The following HAS2 variants were observed in gnomAD, a reference collection of about 807,000 sequenced individuals.
HAS2 encodes the protein hyaluronan synthase 2.
HAS2 carries 16 observed loss-of-function variants against 51.6 expected under a neutral mutation model. The ratio of observed to expected loss-of-function variants is 0.31; its 90% CI spans 0.21 to 0.47. HAS2 has a LOEUF of 0.47. Ranked by LOEUF, HAS2 falls within the 20% of genes least tolerant of loss-of-function variation. The pLI, the probability that HAS2 is intolerant of heterozygous loss-of-function variation, is 1.00. For synonymous variants in HAS2, 228 were observed against 235.5 expected (o/e 0.97, Z 0.29); for missense variants, 361 against 662.6 (o/e 0.54, Z 5.00).
chr8:121,632,478 A>G (rs924618740), intron 1 of HAS2, among the ~76,000 whole-genome samples: 16 of 152,246 alleles, frequency 1.1e-4, no homozygotes, highest in African/African-American at 3.9e-4. Context: ...TAAAATTTTA[A>G]TTTTTCCCCC....
chr8:121,629,486 G>T (rs1006886978), intron 1 of HAS2, 146 bp from the exon 2 acceptor site: 2 of 674,382 alleles, frequency 3.0e-6, no homozygotes, highest in African/African-American at 3.6e-5. Context: ...GTGACTTTCT[G>T]CACTTCAGTT....
chr8:121,617,045 T>C, intron 3 of HAS2, 60 bp downstream of exon 3: 1 of 923,458 alleles, frequency 1.1e-6, no homozygotes, highest in South Asian at 1.4e-5. Context: ...AGTCAATGAG[T>C]AAAAGTGCTC....
rs369469270 is a variant in HAS2, at chr8:121,625,646, C to A, written c.627+3068G>T. 1.1e-4 allele frequency among the ~76,000 whole-genome samples: 17 copies of A among 150,222 alleles called. No homozygotes were observed. In the East Asian group the frequency reaches 2.7e-3, roughly 24 times the overall value. On this transcript the variant is annotated intron_variant, in intron 2 of 3. Coordinates refer to ENST00000303924, the MANE Select transcript of HAS2 (RefSeq NM_005328.3). ...ACCTCAGCCTTCCGAGTAGCTGGGA[C>A]CAGAGACATGCACCACCAAGTCCAG...
rs922582727 is a variant in HAS2 at position 121,641,344 on chromosome 8, C to T, written c.-492G>A. The T allele has an allele frequency of 1.3e-5, 2 of 151,064 alleles. No individual in the cohort carries two copies. Among genetic ancestry groups the T allele is most frequent in the Admixed American group, 1.3e-4 (2 of 15,138 alleles). 9.4% of individuals were successfully genotyped at this position (151,064 alleles called of 1,614,324 possible). A position where few individuals can be genotyped will look rare whatever the true frequency, so the allele number is the denominator to read the frequency against. On this transcript the variant is annotated 5_prime_UTR_variant, in exon 1 of 4. Transcript: ENST00000303924. ...TGTTTCAAGTCTCTGGTTCAATGGGCTGCTCGAAGCCAGGACTGGGTAATT... is the reference window on the plus strand; with the variant it reads ...TGTTTCAAGTCTCTGGTTCAATGGGTTGCTCGAAGCCAGGACTGGGTAATT...
intron 3 of HAS2, among the ~76,000 whole-genome samples, chr8:121,615,299 T>C (rs868015334): frequency 1.2e-4 from 18 of 152,162 alleles, no homozygotes; most frequent in African/African-American, 4.3e-4. Flanking sequence ...CTTTCTGCTA[T>C]TCTTATTCTG....
Position 121,622,963 on chromosome 8 carries a change from T to A in HAS2, c.627+5751A>T, listed in dbSNP as rs369830864. Among the ~76,000 whole-genome samples the A allele has an allele frequency of 2.6e-4, 39 of 148,802 alleles. No homozygotes were observed. The East Asian group carries it at 5.9e-3, about 22-fold the overall frequency. Reference sequence around the variant, plus strand: ...AAAACCATTCCAGAAAAAAAAAAAATAGTCCTCAATGAAAACATCATCTTT... The same window carrying A: ...AAAACCATTCCAGAAAAAAAAAAAAAAGTCCTCAATGAAAACATCATCTTT... On this transcript the variant is annotated intron_variant, in intron 2 of 3. Coordinates refer to ENST00000303924, the MANE Select transcript of HAS2 (RefSeq NM_005328.3).
chr8:121,615,925 C>A (rs2130431909), intron 3 of HAS2, among the ~76,000 whole-genome samples: 2 of 152,228 alleles, frequency 1.3e-5, no homozygotes, highest in Middle Eastern at 6.8e-3. Flanking sequence ...ACATTCTCTC[C>A]TCTGTCTCAA....
At chr8:121,631,253 T>C (rs1307470854) in intron 1 of HAS2, among the ~76,000 whole-genome samples, 1 of 152,164 alleles carries the variant, frequency 6.6e-6, no homozygotes, top group Non-Finnish European at 1.5e-5. Context: ...TGGATTTTTG[T>C]TTGTCCATTA....
chr8:121,638,434 C>T (rs999163973), intron 1 of HAS2, among the ~76,000 whole-genome samples: 2 of 152,128 alleles, frequency 1.3e-5, no homozygotes, highest in African/African-American at 4.8e-5. Context: ...GATTCGACTC[C>T]GGGTACAGTA....
chr8:121,613,037 A>T lies in HAS2; in HGVS notation c.*1072T>A, dbSNP rs1250315165. ...CAGAACAAAACCTTTGATAAACTGCATTGTATGTGTCCAAAATTATACAGA... is the reference window on the plus strand; with the variant it reads ...CAGAACAAAACCTTTGATAAACTGCTTTGTATGTGTCCAAAATTATACAGA... On this transcript the variant is annotated 3_prime_UTR_variant, in exon 4 of 4. Transcript: ENST00000303924. 6.6e-6 allele frequency: 1 copy of T among 152,002 alleles called. No homozygotes were observed. Among genetic ancestry groups the T allele is most frequent in the Non-Finnish European group, 1.5e-5 (1 of 67,998 alleles). The allele number at this position is 152,002 out of a possible 1,614,324, so 9.4% of individuals were successfully genotyped here. A position where few individuals can be genotyped will look rare whatever the true frequency, so the allele number is the denominator to read the frequency against.
At position 121,628,740 on chromosome 8, in the gene HAS2, G is replaced by C; in HGVS notation, c.601C>G (p.Leu201Val). Residue 201 changes from leucine to valine, a missense_variant, in exon 2 of 4, where the codon CTG becomes GTG. Physicochemically the swap from Leu to Val is conservative, Grantham distance 32. Coordinates refer to ENST00000303924, the MANE Select transcript of HAS2 (RefSeq NM_005328.3). ...TGTACATAATCCACACTTCGTCCCAGTGCTCTGAAGGCTGTGTACATGACT... is the reference window on the plus strand; with the variant it reads ...TGTACATAATCCACACTTCGTCCCACTGCTCTGAAGGCTGTGTACATGACT... Reference protein sequence around the residue: ...REVMYTAFRALGRSVDYVQVC... With the variant: ...REVMYTAFRAVGRSVDYVQVC... 6.2e-7 allele frequency: 1 copy of C among 1,614,026 alleles called. No homozygotes were observed. The highest frequency in any genetic ancestry group is 8.5e-7 in the Non-Finnish European group (1 of 1,179,918).
chr8:121,616,849 A>G (rs1453530817), intron 3 of HAS2, among the ~76,000 whole-genome samples: 2 of 152,216 alleles, frequency 1.3e-5, no homozygotes, highest in Non-Finnish European at 1.5e-5. Flanking sequence ...TTTAAGTTGC[A>G]TATAACTTAT....
chr8:121,629,213 T>C lies in HAS2; in HGVS notation c.128A>G (p.Tyr43Cys). The C allele has an allele frequency of 6.2e-7, 1 of 1,614,094 alleles. No individual in the cohort carries two copies. The highest frequency in any genetic ancestry group is 1.3e-5 in the African/African-American group (1 of 75,048). The change falls in exon 2 of 4, where the codon TAT becomes TGT. Residue 43 changes from tyrosine to cysteine, a missense_variant. Around this residue, in one of 5 missense-constraint regions of HAS2, gnomAD observed 145 missense variants for 217.6 expected, o/e 0.67. Coordinates refer to ENST00000303924, the MANE Select transcript of HAS2 (RefSeq NM_005328.3). ...GYQFIQTDNY[Y>C]FSFGLYGAFL... ...GGCACCATACAGTCCAAAAGAGAAA[T>C]AGTAATTATCCGTTTGGATAAACTG...
intron 3 of HAS2, among the ~76,000 whole-genome samples, chr8:121,616,442 C>CTTTTTT (rs531349255): frequency 7.1e-6 from 1 of 140,932 alleles, no homozygotes; most frequent in Non-Finnish European, 1.6e-5. Context: ...TTTTCTTTTT[C>CTTTTTT]TTTTTTTTTT....
chr8:121,616,196 A>G (rs183734794), intron 3 of HAS2, among the ~76,000 whole-genome samples: 1 of 152,246 alleles, frequency 6.6e-6, no homozygotes, highest in East Asian at 1.9e-4. Flanking sequence ...AATTACCTCC[A>G]TTGATATTTG....
In HAS2 at chr8:121,641,153, C is replaced by CT. The variant is rs1209985524; in HGVS notation, c.-302dup. 7 of 44,586 alleles carry CT rather than the reference C, an allele frequency of 1.6e-4. No individual in the cohort carries two copies. The highest frequency in any genetic ancestry group is 8.1e-4 in the South Asian group (1 of 1,240). The allele number at this position is 44,586 out of a possible 1,614,324, so 2.8% of individuals were successfully genotyped here. A position where few individuals can be genotyped will look rare whatever the true frequency, so the allele number is the denominator to read the frequency against. On this transcript the variant is annotated 5_prime_UTR_variant, in exon 1 of 4. Coordinates refer to ENST00000303924, the MANE Select transcript of HAS2 (RefSeq NM_005328.3). Reference sequence around the variant, plus strand: ...TAAATTAACTTTTCTTTTTTCTTTTCTTTTCTTTTTTTTTTTTTTTTTTTT... The same window carrying CT: ...TAAATTAACTTTTCTTTTTTCTTTTCTTTTTCTTTTTTTTTTTTTTTTTTTT...
At position 121,630,832 on chromosome 8, in the gene HAS2, C is replaced by T. The variant is rs191456108; in HGVS notation, c.1-1492G>A. Among the ~76,000 whole-genome samples, 12 of 152,296 alleles carry T rather than the reference C, an allele frequency of 7.9e-5. No homozygotes were observed. In the East Asian group the frequency reaches 2.3e-3, roughly 29 times the overall value. The stretch of plus-strand genomic sequence containing the variant: ...GCTATCAACAGCTGCATGGCCACCA[C>T]GTTGCTCAGCTCCAAGAGGCACCAT... On this transcript the variant is annotated intron_variant, in intron 1 of 3. Coordinates refer to ENST00000303924, the MANE Select transcript of HAS2 (RefSeq NM_005328.3).
At chr8:121,620,259 G>A (rs769028902) in intron 2 of HAS2, among the ~76,000 whole-genome samples, 2 of 152,194 alleles carry the variant, frequency 1.3e-5, no homozygotes, top group African/African-American at 2.4e-5. Context: ...AATTTACTCA[G>A]TAGGGTGTAA....
intron 2 of HAS2, among the ~76,000 whole-genome samples, chr8:121,625,675 ATTTTTTTT>A (rs934743239): frequency 6.5e-5 from 7 of 108,108 alleles, no homozygotes; most frequent in African/African-American, 2.0e-4. Flanking sequence ...AGTCCAGCTA[ATTTTTTTT>A]TTTTTTTTTT....
Sources: gnomAD v4.1 joint callset for allele counts (sites outside exome capture counted in the v4.1 genomes callset) on GRCh38, gnomAD v4.1.1 for gene constraint, gnomAD v4.1.1 regional missense constraint, MANE v1.5 for transcripts, NCBI Gene and HGNC (gene_info 2026-07-23, HGNC 2026-07-21) for gene names.